ANGPT1: variants seen among roughly 807,000 people sequenced by gnomAD.
The protein encoded by ANGPT1 is angiopoietin 1, also known as angiopoietin-1.
Under a neutral mutation model 62.2 loss-of-function variants are expected in ANGPT1, and 17 were observed. That is an observed-to-expected ratio of 0.27 (90% CI 0.19 to 0.41). The LOEUF (loss-of-function observed/expected upper bound fraction) is 0.41. Ranked by LOEUF, ANGPT1 falls within the 10% of genes least tolerant of loss-of-function variation. ANGPT1 has a pLI of 1.00. For missense variants in ANGPT1, 478 were observed against 594.9 expected, an observed-to-expected ratio of 0.80 and a Z score of 2.04; for synonymous variants, 199 against 198.9, an observed-to-expected ratio of 1.00 and a Z score of 0.00.
chr8:107,294,528 A>G (rs1431477366), intron 5 of ANGPT1: 1 of 152,592 alleles, frequency 6.6e-6, no homozygotes, highest in Non-Finnish European at 1.5e-5. Flanking sequence ...TTGCCTATCA[A>G]TTCTTATATA....
chr8:107,392,241 G>A (rs1408764461), intron 1 of ANGPT1, among the ~76,000 whole-genome samples: 4 of 151,946 alleles, frequency 2.6e-5, no homozygotes, highest in East Asian at 1.9e-4. Context: ...ATAGATTTCC[G>A]AAGTTATGTG....
intron 1 of ANGPT1, among the ~76,000 whole-genome samples, chr8:107,386,049 A>C (rs1198290094): frequency 6.6e-6 from 1 of 152,068 alleles, no homozygotes; most frequent in African/African-American, 2.4e-5. Flanking sequence ...ACACCATAGA[A>C]TACTACACAG....
At chr8:107,478,772 G>T (rs1205449809) in intron 1 of ANGPT1, among the ~76,000 whole-genome samples, 1 of 152,016 alleles carries the variant, frequency 6.6e-6, no homozygotes, top group Non-Finnish European at 1.5e-5. Context: ...CAAACTCAGT[G>T]CTATTACATA....
intron 4 of ANGPT1, among the ~76,000 whole-genome samples, chr8:107,316,393 T>C (rs1308194561): frequency 1.3e-5 from 2 of 152,220 alleles, no homozygotes; most frequent in African/African-American, 4.8e-5. Flanking sequence ...TATTCACCTC[T>C]CTGTGCTTAG....
intron 1 of ANGPT1, among the ~76,000 whole-genome samples, chr8:107,360,561 A>G (rs543817766): frequency 3.3e-5 from 5 of 152,178 alleles, no homozygotes; most frequent in South Asian, 2.1e-4. Flanking sequence ...TGACTAGCAC[A>G]TTATTTTTAA....
At chr8:107,471,474 C>G (rs1186234525) in intron 1 of ANGPT1, among the ~76,000 whole-genome samples, 1 of 152,002 alleles carries the variant, frequency 6.6e-6, no homozygotes, top group African/African-American at 2.4e-5. Flanking sequence ...TAGATGGGTG[C>G]AGAAAACCAC....
chr8:107,266,187 A>C (rs1389521785), intron 7 of ANGPT1, among the ~76,000 whole-genome samples: 8 of 152,194 alleles, frequency 5.3e-5, no homozygotes, highest in African/African-American at 2.4e-5. Context: ...GCCCACGTGG[A>C]GGTGGGTTTC....
intron 1 of ANGPT1, among the ~76,000 whole-genome samples, chr8:107,477,691 T>C (rs1812567552): frequency 6.6e-6 from 1 of 152,198 alleles, no homozygotes; most frequent in South Asian, 2.1e-4. Flanking sequence ...GAGAAATTAA[T>C]CTTGATTTTA....
chr8:107,360,767 G>A (rs1816145646), intron 1 of ANGPT1, among the ~76,000 whole-genome samples: 1 of 152,040 alleles, frequency 6.6e-6, no homozygotes, highest in South Asian at 2.1e-4. Flanking sequence ...CAGTAAAAAA[G>A]TCTTCATATA....
chr8:107,496,274 C>T (rs1383066332), intron 1 of ANGPT1, among the ~76,000 whole-genome samples: 1 of 152,316 alleles, frequency 6.6e-6, no homozygotes, highest in East Asian at 1.9e-4. Context: ...TTATTCTCGG[C>T]TGCCTATTAT....
At chr8:107,410,512 T>C (rs1166862605) in intron 1 of ANGPT1, among the ~76,000 whole-genome samples, 3 of 152,162 alleles carry the variant, frequency 2.0e-5, no homozygotes, top group African/African-American at 7.2e-5. Context: ...TTTCCTTCGT[T>C]CTGCAGCTAG....
intron 8 of ANGPT1, among the ~76,000 whole-genome samples, chr8:107,260,312 C>T (rs187050367): frequency 6.6e-6 from 1 of 151,932 alleles, no homozygotes; most frequent in African/African-American, 2.4e-5. Flanking sequence ...ACTCTTAATC[C>T]CTTTTAGAAG....
At chr8:107,357,113 T>C (rs1433867900) in intron 1 of ANGPT1, among the ~76,000 whole-genome samples, 1 of 152,198 alleles carries the variant, frequency 6.6e-6, no homozygotes, top group Admixed American at 6.5e-5. Context: ...TTCTTAAAGA[T>C]CCATTTAAAA....
At chr8:107,282,712 G>T (rs1438930569) in intron 7 of ANGPT1, among the ~76,000 whole-genome samples, 1 of 150,902 alleles carries the variant, frequency 6.6e-6, no homozygotes, top group Non-Finnish European at 1.5e-5. Context: ...GAAAAATGGG[G>T]ATATCAGAGT....
At chr8:107,437,225 G>T (rs1811357623) in intron 1 of ANGPT1, among the ~76,000 whole-genome samples, 1 of 152,092 alleles carries the variant, frequency 6.6e-6, no homozygotes, top group Admixed American at 6.5e-5. Flanking sequence ...TCTAATTTGA[G>T]ATATGAAACT....
At chr8:107,301,257 C>T (rs574464025) in intron 5 of ANGPT1, among the ~76,000 whole-genome samples, 42 of 151,824 alleles carry the variant, frequency 2.8e-4, no homozygotes, top group Non-Finnish European at 5.0e-4. Flanking sequence ...AATGGAAGTT[C>T]GCTTAGTATT....
intron 1 of ANGPT1, among the ~76,000 whole-genome samples, chr8:107,397,410 TGAG>T (rs1447823339): frequency 6.6e-6 from 1 of 150,750 alleles, no homozygotes; most frequent in Non-Finnish European, 1.5e-5. Context: ...TAGGGTAACA[TGAG>T]GGGATTTTTT....
At chr8:107,290,350 T>C (rs183352380) in intron 6 of ANGPT1, among the ~76,000 whole-genome samples, 98 of 152,238 alleles carry the variant, frequency 6.4e-4, no homozygotes, top group Non-Finnish European at 1.1e-3. Context: ...TCCTAGTATA[T>C]ATAATAGTAG....
intron 1 of ANGPT1, among the ~76,000 whole-genome samples, chr8:107,477,484 G>T (rs969097662): frequency 6.6e-5 from 10 of 152,120 alleles, no homozygotes; most frequent in Non-Finnish European, 1.2e-4. Flanking sequence ...GATACCATGG[G>T]TCCGTGTGTT....
Sources: gnomAD v4.1 joint callset for allele counts (sites outside exome capture counted in the v4.1 genomes callset) on GRCh38, gnomAD v4.1.1 for gene constraint, MANE v1.5 for transcripts, NCBI Gene and HGNC (gene_info 2026-07-23, HGNC 2026-07-21) for gene names.